The following NUDT13 variants were observed in gnomAD, a reference collection of about 807,000 sequenced individuals.
NUDT13 encodes the protein NAD(P)H pyrophosphatase NUDT13, mitochondrial.
A neutral mutation model predicts 41.7 loss-of-function variants in NUDT13; 40 were observed. The observed-to-expected ratio is 0.96, with a 90% CI of 0.75 to 1.25. NUDT13 has a LOEUF of 1.25. Ranked by LOEUF, NUDT13 falls within the 50% of genes most tolerant of loss-of-function variation. The pLI is 0.00. For synonymous variants in NUDT13, 145 were observed against 155.5 expected (o/e 0.93, Z 0.50); for missense variants, 390 against 416.1 (o/e 0.94, Z 0.55).
intron 1 of NUDT13, among the ~76,000 whole-genome samples, chr10:73,113,789 T>C (rs778158375): frequency 1.1e-4 from 16 of 152,230 alleles, no homozygotes; most frequent in Non-Finnish European, 1.9e-4. Context: ...TCCTCGGTCA[T>C]TTAGTGTCAA....
chr10:73,129,759 C>G (rs1842871904), intron 8 of NUDT13, among the ~76,000 whole-genome samples: 1 of 150,980 alleles, frequency 6.6e-6, no homozygotes, highest in Non-Finnish European at 1.5e-5. Flanking sequence ...AGGTGGATCA[C>G]CTGAGGTCAG....
At chr10:73,122,782 A>AT in intron 4 of NUDT13, among the ~76,000 whole-genome samples, 1 of 148,938 alleles carries the variant, frequency 6.7e-6, no homozygotes, top group East Asian at 2.0e-4. Context: ...GGGTCTCCTT[A>AT]TGTTGCCCAG....
At chr10:73,116,394 A>G (rs559624776) in intron 2 of NUDT13, among the ~76,000 whole-genome samples, 24 of 152,294 alleles carry the variant, frequency 1.6e-4, no homozygotes, top group Admixed American at 1.6e-3. Flanking sequence ...CTTAGGAAGT[A>G]CACACTCACA....
intron 8 of NUDT13, among the ~76,000 whole-genome samples, chr10:73,128,365 C>T (rs1003139196): frequency 9.2e-5 from 14 of 152,134 alleles, no homozygotes; most frequent in African/African-American, 3.4e-4. Context: ...TCCCTTTTCT[C>T]TACATCCTTA....
intron 1 of NUDT13, among the ~76,000 whole-genome samples, chr10:73,113,711 CT>C (rs1842426571): frequency 6.6e-6 from 1 of 152,192 alleles, no homozygotes; most frequent in Admixed American, 6.5e-5. Flanking sequence ...GTAGCCAAAA[CT>C]GTCCAAGAAT....
At chr10:73,116,644 A>G (rs531138361) in intron 2 of NUDT13, among the ~76,000 whole-genome samples, 1 of 152,086 alleles carries the variant, frequency 6.6e-6, no homozygotes, top group South Asian at 2.1e-4. Flanking sequence ...CAGGAGGCTG[A>G]GGTGGGAGAG....
intron 2 of NUDT13, among the ~76,000 whole-genome samples, chr10:73,118,585 C>T (rs1322655894): frequency 6.6e-6 from 1 of 152,158 alleles, no homozygotes; most frequent in Non-Finnish European, 1.5e-5. Context: ...AATGAAGGTA[C>T]TGGAAAAGCC....
chr10:73,110,565 AGAGT>A lies in NUDT13; in HGVS notation c.-10+3_-10+6del, dbSNP rs1439370070. The stretch of plus-strand genomic sequence containing the variant: ...TAGGAAGGTGCCCCGAAAAGAATTC[AGAGT>A]GAGTACAGTGAAACAGAAACCTGCT... On this transcript the variant is annotated splice_donor_variant and 5_prime_UTR_variant, in exon 1 of 9. Transcript: ENST00000357321. LOFTEE classifies it low-confidence loss of function (5UTR_SPLICE). The A allele has an allele frequency of 6.6e-6, 1 of 152,248 alleles. No homozygotes were observed. Among genetic ancestry groups the A allele is most frequent in the African/African-American group, 2.4e-5 (1 of 41,456 alleles). The allele number at this position is 152,248 out of a possible 1,614,324, so 9.4% of individuals were successfully genotyped here. A position where few individuals can be genotyped will look rare whatever the true frequency, so the allele number is the denominator to read the frequency against.
chr10:73,126,721 G>A lies in NUDT13; in HGVS notation c.752G>A (p.Gly251Glu). Residue 251 changes from glycine (G) to glutamate (E), a missense_variant, in exon 8 of 9, where the codon GGA (glycine) becomes GAA (glutamate). Transcript: ENST00000357321. ...TIRREVAEEV[G>E]LEVESLQYYA... ...CGCCGAGAAGTTGCAGAAGAGGTGG[G>A]ATTGGAGGTGGAAAGCCTGCAGTAC... is the stretch of plus-strand genomic sequence containing the variant. 1 of 1,614,190 alleles carries A rather than the reference G, an allele frequency of 6.2e-7. No homozygotes were observed.
intron 4 of NUDT13, 130 bp downstream of exon 4, chr10:73,122,439 A>T (rs1842667155): frequency 1.1e-6 from 1 of 926,162 alleles, no homozygotes; most frequent in South Asian, 1.7e-5. Flanking sequence ...TTAAAAAAGG[A>T]CATTAAAAAG....
chr10:73,130,016 A>G (rs1245900030), intron 8 of NUDT13: 3 of 151,988 alleles, frequency 2.0e-5, no homozygotes, highest in African/African-American at 7.2e-5. Flanking sequence ...GTTCTTTTTT[A>G]ATTGAAAAAT....
chr10:73,126,540 C>CA (rs757613350), intron 7 of NUDT13, 133 bp from the exon 8 acceptor site: 27 of 950,538 alleles, frequency 2.8e-5, no homozygotes, highest in Admixed American at 7.9e-5. Flanking sequence ...TGGAATGACT[C>CA]AGAGTTTTAG....
chr10:73,112,387 CATATAATTT>C (rs1842387702), intron 1 of NUDT13, among the ~76,000 whole-genome samples: 1 of 151,366 alleles, frequency 6.6e-6, no homozygotes, highest in Non-Finnish European at 1.5e-5. Flanking sequence ...TAATTAAATA[CATATAATTT>C]ATGTATATTG....
intron 7 of NUDT13, among the ~76,000 whole-genome samples, chr10:73,125,776 C>T (rs996574432): frequency 4.0e-5 from 6 of 151,146 alleles, no homozygotes; most frequent in Admixed American, 4.0e-4. Flanking sequence ...CCTCAACCTT[C>T]TGGGTTCAAG....
chr10:73,129,194 T>TG (rs1842859222), intron 8 of NUDT13, among the ~76,000 whole-genome samples: 1 of 136,478 alleles, frequency 7.3e-6, no homozygotes, highest in South Asian at 2.3e-4. Flanking sequence ...TTTTTTGAGA[T>TG]GGAGTCTCAT....
Position 73,114,389 on chromosome 10 carries a change from T to C in NUDT13, c.24T>C (p.Ala8=). Residue 8 remains alanine, a synonymous_variant, in exon 2 of 9, where the codon GCT becomes GCC. Coordinates refer to ENST00000357321, the MANE Select transcript of NUDT13 (RefSeq NM_015901.6). MSLYCGI[A]CRRKFFWCYR... ...CAATGTCCCTGTATTGTGGAATAGC[T>C]TGCAGGAGAAAATTTTTTTGGTGCT... 3 of 1,593,046 alleles carry C rather than the reference T, an allele frequency of 1.9e-6. No homozygotes were observed. Among genetic ancestry groups the C allele is most frequent in the Non-Finnish European group, 2.6e-6 (3 of 1,166,240 alleles).
At chr10:73,127,727 C>T (rs1022942934) in intron 8 of NUDT13, among the ~76,000 whole-genome samples, 5 of 151,278 alleles carry the variant, frequency 3.3e-5, no homozygotes, top group South Asian at 2.1e-4. Context: ...ATTTTTCTCC[C>T]ACCCCACTTT....
In NUDT13 at chr10:73,130,640, G is replaced by A. The variant is rs1842897272; in HGVS notation, c.859-63G>A. On this transcript the variant is annotated intron_variant, in intron 8 of 8. Coordinates refer to ENST00000357321, the MANE Select transcript of NUDT13 (RefSeq NM_015901.6). ...TTCTAGAATCATTTTCTGACCTTTG[G>A]CCATAGTATTCTAAATTTTGTAGCT... 1.3e-5 allele frequency: 17 copies of A among 1,335,732 alleles called. No homozygotes were observed. In the South Asian group the frequency reaches 2.0e-4, roughly 16 times the overall value. 82.7% of individuals were successfully genotyped at this position (1,335,732 alleles called of 1,614,324 possible). A position where few individuals can be genotyped will look rare whatever the true frequency, so the allele number is the denominator to read the frequency against.
intron 1 of NUDT13, among the ~76,000 whole-genome samples, chr10:73,113,729 T>A (rs1842426883): frequency 6.6e-6 from 1 of 152,246 alleles, no homozygotes. Flanking sequence ...GAATTCATCA[T>A]CAGTGATTCA....
Sources: allele counts gnomAD v4.1 joint callset (sites outside exome capture counted in the v4.1 genomes callset), GRCh38; gene constraint gnomAD v4.1.1; transcripts MANE v1.5; gene names NCBI Gene and HGNC (gene_info 2026-07-23, HGNC 2026-07-21).